Variants in FRMD5 observed in about 807,000 individuals in gnomAD.
FRMD5 encodes FERM domain-containing protein 5.
FRMD5 carries 20 observed loss-of-function variants against 69.0 expected under a neutral mutation model. The ratio of observed to expected loss-of-function variants is 0.29; its 90% CI spans 0.20 to 0.42. The LOEUF (loss-of-function observed/expected upper bound fraction) is 0.42, where lower values mean the gene tolerates loss of function less well. Ranked by LOEUF, FRMD5 falls within the 10% of genes least tolerant of loss-of-function variation. The pLI is 1.00. For missense variants in FRMD5, 595 were observed against 708.6 expected, an observed-to-expected ratio of 0.84 and a Z score of 1.82; for synonymous variants, 271 against 260.1, an observed-to-expected ratio of 1.04 and a Z score of -0.40.
chr15:44,079,954 G>GA (rs1893929467), intron 1 of FRMD5, among the ~76,000 whole-genome samples: 1 of 152,008 alleles, frequency 6.6e-6, no homozygotes, highest in African/African-American at 2.4e-5. Flanking sequence ...ACAGAAAATA[G>GA]AATGGGGAGC....
chr15:44,074,029 T>C (rs1391345882), intron 1 of FRMD5, among the ~76,000 whole-genome samples: 1 of 152,170 alleles, frequency 6.6e-6, no homozygotes, highest in Non-Finnish European at 1.5e-5. Context: ...CATTCTAGAA[T>C]ACCCTCTCCA....
intron 6 of FRMD5, among the ~76,000 whole-genome samples, chr15:43,902,583 TGAGGTGG>T (rs1240828034): frequency 2.0e-5 from 3 of 150,690 alleles, no homozygotes; most frequent in Admixed American, 6.7e-5. Context: ...CTTGGGAGGC[TGAGGTGG>T]GAGGTGGGAG....
intron 1 of FRMD5, among the ~76,000 whole-genome samples, chr15:44,102,914 T>A (rs1171176344): frequency 6.6e-6 from 1 of 152,104 alleles, no homozygotes; most frequent in Non-Finnish European, 1.5e-5. Flanking sequence ...CTTGGAGACC[T>A]AAAAGGAATG....
rs867829575 is a variant in FRMD5, at chr15:44,142,642, C to T, written c.102+52311G>A. 4.6e-5 allele frequency among the ~76,000 whole-genome samples: 7 copies of T among 152,118 alleles called. 1 individual carries two copies. The South Asian group carries it at 1.5e-3, about 32-fold the overall frequency. Reference sequence around the variant, plus strand: ...ATTCACAGAAAAAGAACTGGTAACGCTAAGAAATGGAGCCCCCTGGGGTGG... The same window carrying T: ...ATTCACAGAAAAAGAACTGGTAACGTTAAGAAATGGAGCCCCCTGGGGTGG... On this transcript the variant is annotated intron_variant, in intron 1 of 13. Transcript: ENST00000417257.
At chr15:43,986,495 C>T (rs193181541) in intron 1 of FRMD5, among the ~76,000 whole-genome samples, 51 of 152,212 alleles carry the variant, frequency 3.4e-4, no homozygotes, top group African/African-American at 1.1e-3. Flanking sequence ...TGTGACGAAA[C>T]GTATGAAGAT....
At chr15:43,950,929 T>G (rs1217063353) in intron 1 of FRMD5, among the ~76,000 whole-genome samples, 4 of 152,208 alleles carry the variant, frequency 2.6e-5, no homozygotes, top group African/African-American at 4.8e-5. Context: ...ATGCCCCTTA[T>G]ATCAATGGAG....
chr15:44,199,429 A>G (rs1455519116), upstream of FRMD5, among the ~76,000 whole-genome samples: 1 of 151,960 alleles, frequency 6.6e-6, no homozygotes, highest in Non-Finnish European at 1.5e-5. Flanking sequence ...ACTCCCAATC[A>G]CTGTGAAGAA....
At chr15:44,153,737 G>C (rs1281032825) in intron 1 of FRMD5, among the ~76,000 whole-genome samples, 5 of 152,240 alleles carry the variant, frequency 3.3e-5, no homozygotes, top group African/African-American at 1.2e-4. Context: ...GGGAGGCCCA[G>C]GCGGGTGAAT....
intron 13 of FRMD5, among the ~76,000 whole-genome samples, chr15:43,880,531 CCATT>C (rs1567206303): frequency 2.6e-5 from 4 of 152,194 alleles, no homozygotes; most frequent in Admixed American, 2.0e-4. Flanking sequence ...ACTGATAAAG[CCATT>C]TAATTGCTAC....
chr15:44,035,832 G>C (rs145199658), intron 1 of FRMD5, among the ~76,000 whole-genome samples: 1 of 152,254 alleles, frequency 6.6e-6, no homozygotes, highest in Admixed American at 6.5e-5. Context: ...GTAGCCCCAT[G>C]CTACTTTGAG....
At chr15:43,916,380 C>G (rs555033071) in intron 4 of FRMD5, among the ~76,000 whole-genome samples, 8 of 152,126 alleles carry the variant, frequency 5.3e-5, no homozygotes, top group Non-Finnish European at 8.8e-5. Context: ...AAAGAAGTAC[C>G]TTTCACATAA....
intron 1 of FRMD5, among the ~76,000 whole-genome samples, chr15:44,169,273 C>A (rs1387109484): frequency 6.6e-6 from 1 of 152,060 alleles, no homozygotes; most frequent in African/African-American, 2.4e-5. Context: ...ACCCTATCTT[C>A]CACAAGGAAA....
At chr15:44,016,307 C>T (rs887534749) in intron 1 of FRMD5, among the ~76,000 whole-genome samples, 1 of 152,122 alleles carries the variant, frequency 6.6e-6, no homozygotes, top group Admixed American at 6.5e-5. Context: ...ACTAAGAAAC[C>T]ATCAGAGTCC....
chr15:43,927,486 G>T (rs1851309488), intron 1 of FRMD5, among the ~76,000 whole-genome samples: 1 of 152,208 alleles, frequency 6.6e-6, no homozygotes. Context: ...AACTTTCTTT[G>T]TGCAGGGCCT....
chr15:43,886,068 G>A (rs2140359895), intron 10 of FRMD5, among the ~76,000 whole-genome samples: 1 of 152,276 alleles, frequency 6.6e-6, no homozygotes, highest in African/African-American at 2.4e-5. Context: ...ATGGTCTTGG[G>A]GAATAATAGA....
chr15:43,940,753 AT>A (rs1229273397), intron 1 of FRMD5, among the ~76,000 whole-genome samples: 1 of 152,216 alleles, frequency 6.6e-6, no homozygotes, highest in Non-Finnish European at 1.5e-5. Context: ...AATAAATAGT[AT>A]TTAAGTGACC....
intron 3 of FRMD5, 37 bp downstream of exon 3, chr15:43,919,730 G>A (rs2089459980): frequency 6.2e-7 from 1 of 1,603,582 alleles, no homozygotes; most frequent in African/African-American, 1.3e-5. Context: ...ACCCTCCCCA[G>A]GGGTGTGGCT....
chr15:43,923,882 A>G (rs111703450), intron 2 of FRMD5, among the ~76,000 whole-genome samples: 2 of 152,174 alleles, frequency 1.3e-5, no homozygotes, highest in Non-Finnish European at 2.9e-5. Flanking sequence ...TGCTTACTAG[A>G]AAGTGGGCAG....
chr15:43,890,046 A>G (rs1028424406), intron 8 of FRMD5, among the ~76,000 whole-genome samples: 3 of 152,136 alleles, frequency 2.0e-5, no homozygotes, highest in Non-Finnish European at 4.4e-5. Context: ...TCAGGATGAG[A>G]TTTCACAACT....
Sources: allele counts gnomAD v4.1 joint callset (sites outside exome capture counted in the v4.1 genomes callset), GRCh38; gene constraint gnomAD v4.1.1; transcripts MANE v1.5; gene names NCBI Gene and HGNC (gene_info 2026-07-23, HGNC 2026-07-21).